Variants in ROCK1 observed in about 807,000 individuals in gnomAD.
ROCK1 encodes Rho associated coiled-coil containing protein kinase 1.
A neutral mutation model predicts 196.8 loss-of-function variants in ROCK1; 36 were observed. The observed-to-expected ratio is 0.18, with a 90% CI of 0.14 to 0.24. The LOEUF is 0.24. Ranked by LOEUF, ROCK1 falls within the 10% of genes least tolerant of loss-of-function variation. The probability of loss-of-function intolerance (pLI) is 1.00; values close to 1 mark genes in which losing one functional copy is unlikely to be tolerated. For synonymous variants in ROCK1, 443 were observed against 515.9 expected, an observed-to-expected ratio of 0.86 and a Z score of 1.91; for missense variants, 920 against 1,562.0, an observed-to-expected ratio of 0.59 and a Z score of 6.93.
intron 10 of ROCK1, among the ~76,000 whole-genome samples, chr18:21,026,904 C>A (rs2035962325): frequency 6.6e-6 from 1 of 150,572 alleles, no homozygotes; most frequent in African/African-American, 2.5e-5. Flanking sequence ...ATGCATTATA[C>A]TGGTATAGCA....
chr18:21,107,904 A>C (rs1239772330), intron 1 of ROCK1, among the ~76,000 whole-genome samples: 6 of 152,088 alleles, frequency 3.9e-5, no homozygotes, highest in Admixed American at 3.9e-4. Flanking sequence ...AACTACAAAA[A>C]TTAGCCAGGC....
At chr18:21,008,475 G>T (rs1239218725) in intron 13 of ROCK1, among the ~76,000 whole-genome samples, 4 of 152,188 alleles carry the variant, frequency 2.6e-5, no homozygotes, top group African/African-American at 9.7e-5. Flanking sequence ...CTTTTGCCAT[G>T]TTGGCCAGGC....
rs2143616851 is a variant in ROCK1, at chr18:21,111,528, T to A, written c.-618A>T. On this transcript the variant is annotated 5_prime_UTR_variant, in exon 1 of 33. Transcript: ENST00000399799. This position sits in a 1 kb window ranked among gnomAD's most constrained non-coding sequence, Gnocchi z 4.2. ...CGCAGGACAGCCTCACTCTCCCATTTTGTCCCGTCGCTGCTGGGGCTGCTG... is the reference window on the plus strand; with the variant it reads ...CGCAGGACAGCCTCACTCTCCCATTATGTCCCGTCGCTGCTGGGGCTGCTG... 1 of 181,144 alleles carries A rather than the reference T, an allele frequency of 5.5e-6. No individual in the cohort carries two copies. The highest frequency in any genetic ancestry group is 2.3e-5 in the African/African-American group (1 of 42,760). The allele number at this position is 181,144 out of a possible 1,614,324, so 11.2% of individuals were successfully genotyped here.
intron 4 of ROCK1, among the ~76,000 whole-genome samples, chr18:21,048,496 A>G (rs2036179334): frequency 6.6e-6 from 1 of 152,046 alleles, no homozygotes; most frequent in African/African-American, 2.4e-5. Flanking sequence ...TAAGTTTTCT[A>G]TATCTTCTGT....
Position 20,947,981 on chromosome 18 carries a change from G to C in ROCK1, c.*3403C>G, listed in dbSNP as rs1187229635. The stretch of plus-strand genomic sequence containing the variant: ...AAAAATTAGCTGGGCATGGTGGTGG[G>C]CACCTGTAATCCCAGCTACTCGGGA... On this transcript the variant is annotated 3_prime_UTR_variant, in exon 33 of 33. Transcript: ENST00000399799. The C allele has an allele frequency of 6.6e-6, 1 of 151,730 alleles. No individual in the cohort carries two copies. The highest frequency in any genetic ancestry group is 2.4e-5 in the African/African-American group (1 of 41,306). The allele number at this position is 151,730 out of a possible 1,614,324, so 9.4% of individuals were successfully genotyped here.
At chr18:21,039,606 T>C in intron 8 of ROCK1, 43 bp from the exon 9 acceptor site, 1 of 1,377,242 alleles carries the variant, frequency 7.3e-7, no homozygotes, top group Non-Finnish European at 1.0e-6. Flanking sequence ...TCATTTAAGA[T>C]CTTATTATAA....
intron 10 of ROCK1, among the ~76,000 whole-genome samples, chr18:21,025,231 G>A (rs570907195): frequency 1.8e-4 from 27 of 152,128 alleles, no homozygotes; most frequent in East Asian, 5.8e-4. Context: ...TTTACAAAAC[G>A]GGAGTTACTA....
chr18:21,046,160 C>G (rs1164436590), intron 4 of ROCK1, among the ~76,000 whole-genome samples: 1 of 151,956 alleles, frequency 6.6e-6, no homozygotes, highest in African/African-American at 2.4e-5. Flanking sequence ...TCCGCCCACC[C>G]TGGCCTCCCA....
At chr18:20,965,942 A>T (rs1280192010) in intron 27 of ROCK1, among the ~76,000 whole-genome samples, 1 of 152,202 alleles carries the variant, frequency 6.6e-6, no homozygotes, top group Non-Finnish European at 1.5e-5. Context: ...GAAAGATACT[A>T]TAAAATTTTC....
intron 29 of ROCK1, among the ~76,000 whole-genome samples, chr18:20,958,909 A>T (rs1443327174): frequency 1.7e-4 from 17 of 101,288 alleles, no homozygotes; most frequent in South Asian, 1.5e-3. Flanking sequence ...ATATATATAT[A>T]TTTTATATAT....
At chr18:20,961,696 C>T (rs1270199364) in intron 27 of ROCK1, among the ~76,000 whole-genome samples, 2 of 151,976 alleles carry the variant, frequency 1.3e-5, no homozygotes, top group African/African-American at 2.4e-5. Flanking sequence ...CCACCAGGTA[C>T]GTAATGTCTC....
chr18:20,999,130 C>A (rs2035698760), intron 16 of ROCK1, among the ~76,000 whole-genome samples: 1 of 151,764 alleles, frequency 6.6e-6, no homozygotes, highest in African/African-American at 2.4e-5. Context: ...GCTAGCAAAC[C>A]AAATTCCACA....
rs375852822 is a variant in ROCK1, at chr18:21,006,595, T to C, written c.1641A>G (p.Leu547=). 6.2e-7 allele frequency: 1 copy of C among 1,608,870 alleles called. No homozygotes were observed. Among genetic ancestry groups the C allele is most frequent in the Non-Finnish European group, 8.5e-7 (1 of 1,178,606 alleles). The change falls in exon 16 of 33, where the codon CTA becomes CTG. Residue 547 remains leucine, a splice_region_variant and synonymous_variant. Transcript: ENST00000399799. ...NEKLSQLQKQ[L]EEANDLLRTE... ...TCCTAAGTAAGTCATTGGCTTCTTCTAGCTATTTAAAAAGAAAGCAAAAAA... is the reference window on the plus strand; with the variant it reads ...TCCTAAGTAAGTCATTGGCTTCTTCCAGCTATTTAAAAAGAAAGCAAAAAA...
Position 20,982,836 on chromosome 18 carries a change from C to A in ROCK1, c.2490-4G>T. ...TCCTTCATTTCCTCTATACTGTCTT[C>A]AGATGAAAAGAAAAACAAGTGAACA... is the stretch of plus-strand genomic sequence containing the variant. On this transcript the variant is annotated splice_region_variant and splice_polypyrimidine_tract_variant and intron_variant, in intron 20 of 32. Transcript: ENST00000399799. 6.8e-7 allele frequency: 1 copy of A among 1,475,890 alleles called. No individual in the cohort carries two copies. The highest frequency in any genetic ancestry group is 9.4e-7 in the Non-Finnish European group (1 of 1,064,926). The allele number at this position is 1,475,890 out of a possible 1,614,324, so 91.4% of individuals were successfully genotyped here. A position where few individuals can be genotyped will look rare whatever the true frequency, so the allele number is the denominator to read the frequency against.
intron 29 of ROCK1, among the ~76,000 whole-genome samples, chr18:20,957,891 G>A (rs1261629678): frequency 2.6e-5 from 4 of 151,886 alleles, no homozygotes; most frequent in African/African-American, 7.2e-5. Context: ...CAGGCCAACC[G>A]CCCACCTTGG....
intron 2 of ROCK1, among the ~76,000 whole-genome samples, chr18:21,065,478 TGATA>T (rs1568399716): frequency 6.6e-6 from 1 of 152,184 alleles, no homozygotes; most frequent in African/African-American, 2.4e-5. Context: ...AAGATTTGTT[TGATA>T]AACATGTTTT....
intron 16 of ROCK1, among the ~76,000 whole-genome samples, chr18:20,994,515 C>G (rs1483101455): frequency 6.6e-6 from 1 of 152,080 alleles, no homozygotes. Flanking sequence ...ATAGTCCCAG[C>G]TACTTGGGAG....
chr18:20,962,633 C>G (rs2035337746), intron 27 of ROCK1, among the ~76,000 whole-genome samples: 1 of 151,950 alleles, frequency 6.6e-6, no homozygotes, highest in African/African-American at 2.4e-5. Flanking sequence ...TTTTATATAT[C>G]AAGGGAATCT....
intron 21 of ROCK1, 82 bp downstream of exon 21, chr18:20,982,681 C>T (rs888492121): frequency 2.1e-5 from 14 of 679,722 alleles, no homozygotes; most frequent in Non-Finnish European, 3.7e-5. Flanking sequence ...AAAAGAATTA[C>T]AGTTCACATA....
Sources: gnomAD v4.1 joint callset for allele counts (sites outside exome capture counted in the v4.1 genomes callset) on GRCh38, gnomAD v4.1.1 for gene constraint, Gnocchi (gnomAD v3.1) non-coding constraint, MANE v1.5 for transcripts, NCBI Gene and HGNC (gene_info 2026-07-23, HGNC 2026-07-21) for gene names.